The following DOCK7 variants were observed in gnomAD, a reference collection of about 807,000 sequenced individuals.
DOCK7 encodes the protein dedicator of cytokinesis 7.
In DOCK7, 138 loss-of-function variants were observed where a neutral mutation model predicts 271.0. The observed-to-expected ratio is 0.51, with a 90% confidence interval of 0.44 to 0.59. The LOEUF is 0.59. Ranked by LOEUF, DOCK7 falls within the 20% of genes least tolerant of loss-of-function variation. The pLI, the probability that DOCK7 is intolerant of heterozygous loss-of-function variation, is 0.00. For synonymous variants in DOCK7, 823 were observed against 876.1 expected (o/e 0.94, Z 1.07); for missense variants, 2,066 against 2,592.4 (o/e 0.80, Z 4.41).
intron 10 of DOCK7, 57 bp from the exon 11 acceptor site, chr1:62,631,462 G>A (rs148349534): frequency 2.9e-5 from 41 of 1,416,734 alleles, no homozygotes; most frequent in Non-Finnish European, 3.4e-5. Flanking sequence ...TCAGTTAAAG[G>A]CTATTTCATA....
At chr1:62,482,681 A>G (rs1646162407) in intron 43 of DOCK7, 1 of 152,186 alleles carries the variant, frequency 6.6e-6, no homozygotes, top group Admixed American at 6.5e-5. Context: ...CCAGGACATT[A>G]GCATAACCCC....
At chr1:62,476,525 G>A (rs563140837) in intron 44 of DOCK7, among the ~76,000 whole-genome samples, 2 of 152,140 alleles carry the variant, frequency 1.3e-5, no homozygotes, top group Non-Finnish European at 2.9e-5. Context: ...TAGTTTTACT[G>A]AGTTTATTGT....
chr1:62,594,784 A>G (rs1213352154), intron 14 of DOCK7, among the ~76,000 whole-genome samples: 1 of 152,152 alleles, frequency 6.6e-6, no homozygotes, highest in Non-Finnish European at 1.5e-5. Context: ...ACACATACAA[A>G]TCTTGCCAAT....
intron 12 of DOCK7, among the ~76,000 whole-genome samples, chr1:62,620,776 C>T (rs1017064143): frequency 5.4e-5 from 8 of 147,980 alleles, no homozygotes; most frequent in Non-Finnish European, 8.9e-5. Flanking sequence ...CCCAGCTACT[C>T]GGGAGGCTGA....
At chr1:62,604,289 A>C in intron 14 of DOCK7, 1 of 1,594,456 alleles carries the variant, frequency 6.3e-7, no homozygotes, top group Non-Finnish European at 8.6e-7. Flanking sequence ...GTATCTTCCC[A>C]CATTATTAGC....
intron 34 of DOCK7, among the ~76,000 whole-genome samples, chr1:62,509,826 G>A (rs903804733): frequency 6.6e-6 from 1 of 152,128 alleles, no homozygotes; most frequent in Non-Finnish European, 1.5e-5. Flanking sequence ...GGCTTGGGCT[G>A]ATGATGGTTC....
intron 37 of DOCK7, among the ~76,000 whole-genome samples, chr1:62,501,512 T>C (rs1646782666): frequency 6.6e-6 from 1 of 152,168 alleles, no homozygotes; most frequent in African/African-American, 2.4e-5. Context: ...TTTTGAAATA[T>C]TGAGGTACAA....
intron 48 of DOCK7, among the ~76,000 whole-genome samples, chr1:62,461,342 A>T (rs1645519893): frequency 6.6e-6 from 1 of 151,766 alleles, no homozygotes; most frequent in Admixed American, 6.6e-5. Context: ...AATTATTAGA[A>T]TTAATAAGTA....
At chr1:62,657,945 T>G (rs979974933) in intron 2 of DOCK7, among the ~76,000 whole-genome samples, 1 of 151,890 alleles carries the variant, frequency 6.6e-6, no homozygotes, top group African/African-American at 2.4e-5. Context: ...AAATATCCAA[T>G]ACTGGCATCA....
chr1:62,498,758 G>C (rs1176489121), intron 37 of DOCK7, among the ~76,000 whole-genome samples: 1 of 151,268 alleles, frequency 6.6e-6, no homozygotes, highest in East Asian at 1.9e-4. Context: ...TACTGCATCT[G>C]TTGAATAAAC....
At chr1:62,509,235 C>A (rs1431658549) in intron 34 of DOCK7, among the ~76,000 whole-genome samples, 1 of 149,848 alleles carries the variant, frequency 6.7e-6, no homozygotes, top group Non-Finnish European at 1.5e-5. Flanking sequence ...CTCACCTAAG[C>A]CCAGGAGGTC....
rs1427587768 is a variant in DOCK7 at position 62,539,376 on chromosome 1, CAT to C, written c.3300+167_3300+168del. On this transcript the variant is annotated intron_variant, in intron 27 of 49. Transcript: ENST00000635253. ...CCACAGTCCTTGTGTCCTGATAAAA[CAT>C]GTGTAATTTACTTTTGCCTTGCTAA... 2.6e-5 allele frequency among the ~76,000 whole-genome samples: 4 copies of C among 152,178 alleles called. No homozygotes were observed. The South Asian group carries it at 6.2e-4, about 24-fold the overall frequency.
At position 62,536,573 on chromosome 1, in the gene DOCK7, A is replaced by G. The variant is rs962461790; in HGVS notation, c.3472-941T>C. ...CAGACTGAAGAGTTTGTGGAAAAAT[A>G]GGCTGATCCAGAAGATTTTTTTACA... On this transcript the variant is annotated intron_variant, in intron 28 of 49. Transcript: ENST00000635253. 2.6e-5 allele frequency among the ~76,000 whole-genome samples: 4 copies of G among 152,214 alleles called. No homozygotes were observed. The South Asian group carries it at 6.2e-4, about 24-fold the overall frequency.
chr1:62,462,749 C>T (rs1242406042), intron 48 of DOCK7, among the ~76,000 whole-genome samples: 1 of 151,912 alleles, frequency 6.6e-6, no homozygotes, highest in Non-Finnish European at 1.5e-5. Context: ...TTGAACCATA[C>T]ACAAAAATCA....
At chr1:62,545,887 G>C (rs899846328) in intron 22 of DOCK7, among the ~76,000 whole-genome samples, 5 of 152,102 alleles carry the variant, frequency 3.3e-5, no homozygotes, top group African/African-American at 1.2e-4. Flanking sequence ...CAATTGAGAA[G>C]CTTTATAAAA....
At chr1:62,658,078 C>A (rs545503304) in intron 2 of DOCK7, among the ~76,000 whole-genome samples, 1 of 150,964 alleles carries the variant, frequency 6.6e-6, no homozygotes, top group Non-Finnish European at 1.5e-5. Context: ...GCTAAGCAAA[C>A]CTTAAACAGG....
intron 48 of DOCK7, among the ~76,000 whole-genome samples, chr1:62,464,768 C>T (rs1645628270): frequency 6.6e-6 from 1 of 152,020 alleles, no homozygotes; most frequent in Non-Finnish European, 1.5e-5. Context: ...TAAATGTGCA[C>T]TGTTGGCACT....
intron 18 of DOCK7, among the ~76,000 whole-genome samples, chr1:62,567,932 T>A (rs1159420587): frequency 6.6e-6 from 1 of 152,008 alleles, no homozygotes; most frequent in Non-Finnish European, 1.5e-5. Flanking sequence ...GAACTCTCCA[T>A]CCCAAAACAA....
In DOCK7 at chr1:62,513,745, A is replaced by C. The variant is rs778899564; in HGVS notation, c.4090T>G (p.Tyr1364Asp). The change falls in exon 32 of 50, where the codon TAT (tyrosine) becomes GAT (aspartate). Residue 1364 changes from tyrosine (Y) to aspartate (D), a missense_variant. Physicochemically the swap from Tyr to Asp is radical, Grantham distance 160 (BLOSUM62 -3). Coordinates refer to ENST00000635253, the MANE Select transcript of DOCK7 (RefSeq NM_001367561.1). ...TACTCAAAGCAAGACACACAGAGAT[A>C]AAGCAGATCTAATAGCCGGTTTAGC... ...LQLNRLLDLL[Y>D]LCVSCFEYKG... The C allele has an allele frequency of 1.7e-5, 27 of 1,614,052 alleles. No homozygotes were observed. Among genetic ancestry groups the C allele is most frequent in the Non-Finnish European group, 2.3e-5 (27 of 1,180,010 alleles).
Sources: gnomAD v4.1 joint callset for allele counts (sites outside exome capture counted in the v4.1 genomes callset) on GRCh38, gnomAD v4.1.1 for gene constraint, MANE v1.5 for transcripts, NCBI Gene and HGNC (gene_info 2026-07-23, HGNC 2026-07-21) for gene names.